Variants in GLRA3 observed in about 807,000 individuals in gnomAD.
GLRA3 encodes the protein glycine receptor alpha 3.
GLRA3 carries 44 observed loss-of-function variants against 60.4 expected under a neutral mutation model. The observed-to-expected ratio is 0.73, with a 90% CI of 0.57 to 0.94. GLRA3 has a LOEUF of 0.94. Ranked by LOEUF, GLRA3 falls within the 40% of genes least tolerant of loss-of-function variation. GLRA3 has a pLI of 0.00. For missense variants in GLRA3, 508 were observed against 564.6 expected, an observed-to-expected ratio of 0.90 and a Z score of 1.02; for synonymous variants, 223 against 192.9, an observed-to-expected ratio of 1.16 and a Z score of -1.29.
intron 9 of GLRA3, among the ~76,000 whole-genome samples, chr4:174,646,763 G>C (rs1034927935): frequency 3.3e-5 from 5 of 152,116 alleles, no homozygotes; most frequent in African/African-American, 7.2e-5. Context: ...CATCCTCCTA[G>C]GGGGCTGAGT....
intron 1 of GLRA3, among the ~76,000 whole-genome samples, chr4:174,816,520 T>G (rs1740505546): frequency 6.6e-6 from 1 of 152,214 alleles, no homozygotes; most frequent in Admixed American, 6.5e-5. Context: ...TTTTCTTGTA[T>G]ATTCTATTTT....
At chr4:174,718,640 C>T (rs1736014337) in intron 4 of GLRA3, among the ~76,000 whole-genome samples, 1 of 152,040 alleles carries the variant, frequency 6.6e-6, no homozygotes, top group South Asian at 2.1e-4. Context: ...TTTATTAGAT[C>T]CTAATATTTC....
intron 7 of GLRA3, among the ~76,000 whole-genome samples, chr4:174,676,006 G>A (rs1209233114): frequency 2.0e-5 from 3 of 152,080 alleles, no homozygotes; most frequent in Non-Finnish European, 2.9e-5. Context: ...TTATTGCATT[G>A]AAGTACTTCA....
chr4:174,665,493 C>T (rs1006167619), intron 7 of GLRA3, among the ~76,000 whole-genome samples: 1 of 152,044 alleles, frequency 6.6e-6, no homozygotes, highest in African/African-American at 2.4e-5. Flanking sequence ...AATGCCCCAC[C>T]ATCAGTTAAT....
intron 2 of GLRA3, among the ~76,000 whole-genome samples, chr4:174,781,724 A>G (rs1228788877): frequency 6.6e-6 from 1 of 150,784 alleles, no homozygotes; most frequent in Non-Finnish European, 1.5e-5. Context: ...GAAGAAATGG[A>G]TAAATTCCTC....
rs748615570 is a variant in GLRA3 at position 174,828,691 on chromosome 4, A to G, written c.71+50T>C. 9.6e-6 allele frequency: 11 copies of G among 1,141,888 alleles called. No individual in the cohort carries two copies. The South Asian group carries it at 1.4e-4, about 14-fold the overall frequency. The allele number at this position is 1,141,888 out of a possible 1,614,324, so 70.7% of individuals were successfully genotyped here. A position where few individuals can be genotyped will look rare whatever the true frequency, so the allele number is the denominator to read the frequency against. ...CATCAATAACAAGTGGTTGCAACGT[A>G]ATGCACAGGCTTAATGAGTTCTCCG... On this transcript the variant is annotated intron_variant, in intron 1 of 9. Coordinates refer to ENST00000274093, the MANE Select transcript of GLRA3 (RefSeq NM_006529.4).
chr4:174,775,530 A>G (rs1280009423), intron 2 of GLRA3, among the ~76,000 whole-genome samples: 2 of 152,204 alleles, frequency 1.3e-5, no homozygotes, highest in African/African-American at 2.4e-5. Flanking sequence ...TAAGAAAACA[A>G]AAATGCAATA....
chr4:174,708,970 A>G (rs1339211201), intron 5 of GLRA3, among the ~76,000 whole-genome samples: 1 of 151,936 alleles, frequency 6.6e-6, no homozygotes, highest in Non-Finnish European at 1.5e-5. Flanking sequence ...TCTAGATCTT[A>G]ATATAGGTAG....
At chr4:174,700,288 A>G (rs1221910582) in intron 5 of GLRA3, among the ~76,000 whole-genome samples, 1 of 152,130 alleles carries the variant, frequency 6.6e-6, no homozygotes, top group Non-Finnish European at 1.5e-5. Context: ...TGGCAACCCT[A>G]TATTAAGCAA....
chr4:174,707,399 T>C (rs191659471), intron 5 of GLRA3, among the ~76,000 whole-genome samples: 1 of 152,322 alleles, frequency 6.6e-6, no homozygotes, highest in East Asian at 1.9e-4. Context: ...ATGGGGGACA[T>C]AGAACTTAGT....
chr4:174,714,372 G>T (rs1036593859), intron 5 of GLRA3, among the ~76,000 whole-genome samples: 9 of 151,556 alleles, frequency 5.9e-5, no homozygotes, highest in Non-Finnish European at 1.0e-4. Flanking sequence ...TAGATTGATT[G>T]CTAAGTAGCC....
intron 3 of GLRA3, among the ~76,000 whole-genome samples, chr4:174,761,363 T>C (rs1210843671): frequency 1.3e-5 from 2 of 152,144 alleles, no homozygotes; most frequent in Non-Finnish European, 2.9e-5. Flanking sequence ...GCAAGTAAAA[T>C]GTGAGCCTAT....
At chr4:174,668,496 T>C (rs1733767596) in intron 7 of GLRA3, among the ~76,000 whole-genome samples, 1 of 152,100 alleles carries the variant, frequency 6.6e-6, no homozygotes, top group Non-Finnish European at 1.5e-5. Flanking sequence ...CACATGGAGG[T>C]GGTCAAAAGG....
intron 2 of GLRA3, among the ~76,000 whole-genome samples, chr4:174,786,886 G>A (rs1579607231): frequency 6.6e-6 from 1 of 151,976 alleles, no homozygotes; most frequent in Non-Finnish European, 1.5e-5. Context: ...GTGACACTGG[G>A]GTGTAAGAAT....
intron 5 of GLRA3, among the ~76,000 whole-genome samples, chr4:174,707,893 A>G (rs1291975733): frequency 6.6e-6 from 1 of 152,152 alleles, no homozygotes; most frequent in Non-Finnish European, 1.5e-5. Flanking sequence ...ATACCTGATG[A>G]TCAGTAAAAA....
rs769443687 is a variant in GLRA3 at position 174,766,965 on chromosome 4, T to C, written c.265A>G (p.Met89Val). Residue 89 changes from methionine to valine, a missense_variant and splice_region_variant, in exon 3 of 10, where the codon ATG (methionine) becomes GTG (valine). Around this residue, in one of 3 missense-constraint regions of GLRA3, gnomAD observed 329 missense variants for 349.3 expected, o/e 0.94. Coordinates refer to ENST00000274093, the MANE Select transcript of GLRA3 (RefSeq NM_006529.4). ...NSFGSIAETT[M>V]DYRVNIFLRQ... The stretch of plus-strand genomic sequence containing the variant: ...TTGTTGCAAAGTAAAATGCCTACCA[T>C]GGTCGTCTCTGCGATAGAGCCAAAG... 9 of 1,553,752 alleles carry C rather than the reference T, an allele frequency of 5.8e-6. No homozygotes were observed. Among genetic ancestry groups the C allele is most frequent in the Non-Finnish European group, 8.0e-6 (9 of 1,129,262 alleles).
Position 174,735,867 on chromosome 4 carries a change from A to G in GLRA3, c.268-7169T>C, listed in dbSNP as rs144022349. ...CGCCTGGCCTCATTTTGTATATTTA[A>G]TATGTGGGCATCTGCTTACTATTAT... On this transcript the variant is annotated intron_variant, in intron 3 of 9. Transcript: ENST00000274093. Among the ~76,000 whole-genome samples, 142 of 152,250 alleles carry G rather than the reference A, an allele frequency of 9.3e-4. 1 individual carries two copies. The highest frequency in any genetic ancestry group is 6.8e-3 in the Middle Eastern group (2 of 294).
intron 3 of GLRA3, among the ~76,000 whole-genome samples, chr4:174,741,002 C>T (rs1737000524): frequency 6.6e-6 from 1 of 152,098 alleles, no homozygotes; most frequent in Admixed American, 6.6e-5. Flanking sequence ...GGTGTTTTTC[C>T]AGTATTTTGT....
At position 174,689,301 on chromosome 4, in the gene GLRA3, A is replaced by T. The variant is rs532456691; in HGVS notation, c.575-6362T>A. ...ACATCTAATAATTGTACTATTTGCA[A>T]GTATTGCAGTAAGAATAGTGGAATA... On this transcript the variant is annotated intron_variant, in intron 5 of 9. Coordinates refer to ENST00000274093, the MANE Select transcript of GLRA3 (RefSeq NM_006529.4). Among the ~76,000 whole-genome samples, 21 of 152,334 alleles carry T rather than the reference A, an allele frequency of 1.4e-4. No homozygotes were observed. In the South Asian group the frequency reaches 1.4e-3, roughly 11 times the overall value.
Sources: gnomAD v4.1 joint callset for allele counts (sites outside exome capture counted in the v4.1 genomes callset) on GRCh38, gnomAD v4.1.1 for gene constraint, gnomAD v4.1.1 regional missense constraint, MANE v1.5 for transcripts, NCBI Gene and HGNC (gene_info 2026-07-23, HGNC 2026-07-21) for gene names.